The following APLF variants were observed in gnomAD, a reference collection of about 807,000 sequenced individuals.
APLF encodes the protein aprataxin and PNK-like factor.
APLF carries 61 observed loss-of-function variants against 55.6 expected under a neutral mutation model. The ratio of observed to expected loss-of-function variants is 1.10; its 90% CI spans 0.89 to 1.36. The LOEUF is 1.36. Among genes scored for constraint, APLF ranks in the 40% most tolerant of loss-of-function variants. APLF has a pLI of 0.00. For synonymous variants in APLF, 207 were observed against 214.8 expected (o/e 0.96, Z 0.32); for missense variants, 611 against 602.5 (o/e 1.01, Z -0.15).
At chr2:68,479,763 T>C (rs1675892589) in intron 1 of APLF, among the ~76,000 whole-genome samples, 1 of 152,216 alleles carries the variant, frequency 6.6e-6, no homozygotes, top group Admixed American at 6.5e-5. Flanking sequence ...TGTATTTTCA[T>C]AAAGTTACAC....
chr2:68,570,276 CT>C (rs765062097), intron 9 of APLF, among the ~76,000 whole-genome samples: 3,976 of 128,218 alleles, frequency 0.031, 66 homozygotes, highest in South Asian at 0.048. Context: ...TTGTTTTATT[CT>C]TTTTTTTTTA....
At chr2:68,573,977 C>G (rs1020636710) in intron 9 of APLF, among the ~76,000 whole-genome samples, 3 of 151,314 alleles carry the variant, frequency 2.0e-5, no homozygotes, top group Non-Finnish European at 2.9e-5. Context: ...CAAATGAGAG[C>G]AGCAGTAACT....
At position 68,545,323 on chromosome 2, in the gene APLF, T is replaced by C. The variant is rs1670674325; in HGVS notation, c.1286+11T>C. On this transcript the variant is annotated intron_variant, in intron 8 of 9. Transcript: ENST00000303795. ...ACCATCCTGTTATAGGTATAGAAAC[T>C]GAATGTTTGGCTGCACTCCTTTTCT... 10 of 1,604,196 alleles carry C rather than the reference T, an allele frequency of 6.2e-6. No individual in the cohort carries two copies. The highest frequency in any genetic ancestry group is 7.7e-6 in the Non-Finnish European group (9 of 1,175,274).
At chr2:68,474,836 T>C (rs980653817) in intron 1 of APLF, among the ~76,000 whole-genome samples, 1 of 152,088 alleles carries the variant, frequency 6.6e-6, no homozygotes, top group African/African-American at 2.4e-5. Context: ...AACCGGCTGA[T>C]TTTGTATTTT....
At position 68,494,277 on chromosome 2, in the gene APLF, CAAAAAAA is replaced by C. The variant is rs59466460; in HGVS notation, c.168+4035_168+4041del. ...TAGGAGACAGAGTGAGACCCCGTCT[CAAAAAAA>C]AAAAAAAAAAAAAAAAAAGAAAAGA... On this transcript the variant is annotated intron_variant, in intron 2 of 9. Coordinates refer to ENST00000303795, the MANE Select transcript of APLF (RefSeq NM_173545.3). 2.5e-3 allele frequency among the ~76,000 whole-genome samples: 123 copies of C among 49,536 alleles called. 1 individual carries two copies. The highest frequency in any genetic ancestry group is 5.6e-3 in the South Asian group (5 of 886). 32.5% of individuals were successfully genotyped at this position (49,536 alleles called of 152,430 possible). A position where few individuals can be genotyped will look rare whatever the true frequency, so the allele number is the denominator to read the frequency against.
Position 68,538,281 on chromosome 2 carries a change from A to T in APLF, c.1160+54A>T, listed in dbSNP as rs973403200. The stretch of plus-strand genomic sequence containing the variant: ...TCCATTATTTTGATAGCGTGTAGCT[A>T]TGTAGATACATGCTACAGTATATTA... On this transcript the variant is annotated intron_variant, in intron 7 of 9. Coordinates refer to ENST00000303795, the MANE Select transcript of APLF (RefSeq NM_173545.3). The T allele has an allele frequency of 6.3e-6, 9 of 1,433,380 alleles. 1 individual carries two copies. Among genetic ancestry groups the T allele is most frequent in the Admixed American group, 2.2e-5 (1 of 45,856 alleles). 88.8% of individuals were successfully genotyped at this position (1,433,380 alleles called of 1,614,324 possible).
intron 9 of APLF, among the ~76,000 whole-genome samples, chr2:68,574,653 T>C (rs1363476784): frequency 6.6e-6 from 1 of 152,222 alleles, no homozygotes; most frequent in African/African-American, 2.4e-5. Context: ...AAACATAAAA[T>C]GTAAGTGATG....
intron 1 of APLF, among the ~76,000 whole-genome samples, chr2:68,477,121 A>G (rs997590279): frequency 1.2e-4 from 19 of 152,230 alleles, no homozygotes; most frequent in Admixed American, 1.1e-3. Flanking sequence ...ACACAAACAC[A>G]GAGTGTACAT....
At chr2:68,498,600 AGAT>A (rs2103924934) in intron 2 of APLF, among the ~76,000 whole-genome samples, 1 of 152,328 alleles carries the variant, frequency 6.6e-6, no homozygotes, top group African/African-American at 2.4e-5. Context: ...GCTCATGAGG[AGAT>A]GATGTTAGCT....
chr2:68,525,742 CTTTTTTTT>C (rs386390398), intron 5 of APLF, among the ~76,000 whole-genome samples: 3,317 of 82,058 alleles, frequency 0.04, 69 homozygotes, highest in Middle Eastern at 0.089. Flanking sequence ...TTCTTTCTTT[CTTTTTTTT>C]TTTTTTTTTT....
At chr2:68,565,322 A>G (rs35875728) in intron 8 of APLF, among the ~76,000 whole-genome samples, 9,955 of 152,036 alleles carry the variant, frequency 0.065, 374 homozygotes, top group Middle Eastern at 0.11. Context: ...GATGGGCTCA[A>G]TGACCCCATA....
At chr2:68,551,582 GTTTA>G (rs1415865439) in intron 8 of APLF, among the ~76,000 whole-genome samples, 1 of 130,120 alleles carries the variant, frequency 7.7e-6, no homozygotes, top group South Asian at 2.5e-4. Flanking sequence ...GTTCTAGGAT[GTTTA>G]TTTAATTCTT....
At chr2:68,561,743 G>A (rs557045497) in intron 8 of APLF, among the ~76,000 whole-genome samples, 10 of 152,170 alleles carry the variant, frequency 6.6e-5, no homozygotes, top group Non-Finnish European at 1.2e-4. Context: ...CACATTGACA[G>A]TATCTTTAAC....
Position 68,526,144 on chromosome 2 carries a change from T to C in APLF, c.706T>C (p.Leu236=). 1.9e-6 allele frequency: 3 copies of C among 1,613,966 alleles called. No homozygotes were observed. The African/African-American group carries it at 4.0e-5, about 22-fold the overall frequency. Residue 236 remains leucine, a synonymous_variant, in exon 6 of 10, where the codon TTA becomes CTA. Coordinates refer to ENST00000303795, the MANE Select transcript of APLF (RefSeq NM_173545.3). The part of the protein sequence containing the change: ...LNTTQQGRRQ[L]ISSGSSENTS... ...CACAACCCAGCAAGGAAGAAGGCAA[T>C]TAATTTCATCAGGAAGTTCAGAAAA...
intron 5 of APLF, among the ~76,000 whole-genome samples, chr2:68,522,479 C>T (rs1021826383): frequency 2.0e-5 from 3 of 151,520 alleles, no homozygotes; most frequent in Non-Finnish European, 3.0e-5. Context: ...ATGGTTAGTC[C>T]GTATTTTTCT....
chr2:68,495,998 T>G (rs1300093917), intron 2 of APLF, among the ~76,000 whole-genome samples: 1 of 152,264 alleles, frequency 6.6e-6, no homozygotes, highest in Non-Finnish European at 1.5e-5. Flanking sequence ...TCTTCTCTCT[T>G]AGGCCTCTGG....
chr2:68,532,004 A>C (rs1039431188), intron 6 of APLF, among the ~76,000 whole-genome samples: 6 of 152,140 alleles, frequency 3.9e-5, no homozygotes, highest in African/African-American at 1.4e-4. Context: ...AGGAAAAATA[A>C]GGCTTAAATT....
intron 1 of APLF, among the ~76,000 whole-genome samples, chr2:68,483,313 G>T (rs1222977974): frequency 6.6e-6 from 1 of 152,168 alleles, no homozygotes; most frequent in Non-Finnish European, 1.5e-5. Context: ...GCAAGTTTCT[G>T]TGGCTGGGGC....
At chr2:68,570,980 T>C (rs1301614105) in intron 9 of APLF, among the ~76,000 whole-genome samples, 4 of 152,216 alleles carry the variant, frequency 2.6e-5, no homozygotes, top group Non-Finnish European at 5.9e-5. Flanking sequence ...TTTTTTATGA[T>C]TGCCATTCTA....
Sources: allele counts gnomAD v4.1 joint callset (sites outside exome capture counted in the v4.1 genomes callset), GRCh38; gene constraint gnomAD v4.1.1; transcripts MANE v1.5; gene names NCBI Gene and HGNC (gene_info 2026-07-23, HGNC 2026-07-21).